Variants in PHF21A observed in about 807,000 individuals in gnomAD.
The protein encoded by PHF21A is BHC80a.
Under a neutral mutation model 82.5 loss-of-function variants are expected in PHF21A, and 11 were observed. The observed-to-expected ratio is 0.13, with a 90% CI of 0.08 to 0.22. PHF21A has a LOEUF of 0.22. Among genes scored for constraint, PHF21A ranks in the 10% least tolerant of loss-of-function variants. PHF21A has a pLI of 1.00. For synonymous variants in PHF21A, 297 were observed against 302.8 expected (o/e 0.98, Z 0.20); for missense variants, 579 against 837.8 (o/e 0.69, Z 3.81).
chr11:46,007,554 T>C (rs774872293), intron 6 of PHF21A, among the ~76,000 whole-genome samples: 1 of 152,176 alleles, frequency 6.6e-6, no homozygotes, highest in Non-Finnish European at 1.5e-5. Flanking sequence ...CCTCAGGTGA[T>C]TCGCCTGCTG....
chr11:45,964,916 T>G (rs746877812), intron 10 of PHF21A, among the ~76,000 whole-genome samples: 6 of 152,254 alleles, frequency 3.9e-5, no homozygotes, highest in Non-Finnish European at 7.3e-5. Flanking sequence ...TCCCTTTCCC[T>G]GTTTTGTTTA....
chr11:45,936,868 G>C (rs1030743769), intron 16 of PHF21A: 3 of 269,426 alleles, frequency 1.1e-5, no homozygotes, highest in Non-Finnish European at 1.4e-5. Flanking sequence ...AACCACTCCC[G>C]ACAGCTAGAA....
chr11:46,086,274 A>G (rs370042740), intron 3 of PHF21A, among the ~76,000 whole-genome samples: 8 of 152,124 alleles, frequency 5.3e-5, no homozygotes, highest in African/African-American at 1.9e-4. Context: ...GCCCGCCACT[A>G]CACCCGGCTA....
At chr11:45,967,737 T>A (rs1267513782) in intron 9 of PHF21A, among the ~76,000 whole-genome samples, 1 of 152,190 alleles carries the variant, frequency 6.6e-6, no homozygotes, top group Non-Finnish European at 1.5e-5. Flanking sequence ...GTGTGGCCCA[T>A]GAAAGTCTTG....
At chr11:46,076,911 T>C (rs1344900956) in intron 5 of PHF21A, 92 bp from the exon 6 acceptor site, 4 of 978,196 alleles carry the variant, frequency 4.1e-6, no homozygotes, top group Non-Finnish European at 4.9e-6. Flanking sequence ...TTACAAATGA[T>C]GAAGCAACCC....
At chr11:46,053,126 T>C (rs1473144445) in intron 6 of PHF21A, among the ~76,000 whole-genome samples, 1 of 152,212 alleles carries the variant, frequency 6.6e-6, no homozygotes, top group Non-Finnish European at 1.5e-5. Flanking sequence ...TCAAAATTTG[T>C]AATTAAATGT....
At chr11:45,953,122 T>C (rs1422513100) in intron 11 of PHF21A, among the ~76,000 whole-genome samples, 1 of 152,246 alleles carries the variant, frequency 6.6e-6, no homozygotes, top group African/African-American at 2.4e-5. Context: ...CTGCAATTGA[T>C]AATATAAATA....
At chr11:46,033,555 T>C (rs1361372892) in intron 6 of PHF21A, among the ~76,000 whole-genome samples, 1 of 152,202 alleles carries the variant, frequency 6.6e-6, no homozygotes, top group African/African-American at 2.4e-5. Flanking sequence ...TGAGCCACCA[T>C]GCTTAGCCCA....
chr11:46,003,360 T>C (rs2095205594), intron 6 of PHF21A, among the ~76,000 whole-genome samples: 1 of 152,024 alleles, frequency 6.6e-6, no homozygotes, highest in South Asian at 2.1e-4. Context: ...TCTTCGGTGT[T>C]AATACTGTTA....
chr11:46,099,003 A>G (rs1156942442), intron 1 of PHF21A, among the ~76,000 whole-genome samples: 2 of 152,210 alleles, frequency 1.3e-5, no homozygotes, highest in Non-Finnish European at 2.9e-5. Context: ...AGTCACTAAG[A>G]AAGGTCAATG....
chr11:46,075,021 T>C (rs999729898), intron 6 of PHF21A, among the ~76,000 whole-genome samples: 7 of 152,236 alleles, frequency 4.6e-5, no homozygotes, highest in African/African-American at 1.4e-4. Context: ...TTACTTTGTA[T>C]ACCTAAAGTT....
intron 18 of PHF21A, chr11:45,935,054 C>T (rs2088532823): frequency 8.3e-7 from 1 of 1,209,330 alleles, no homozygotes; most frequent in African/African-American, 1.6e-5. Flanking sequence ...TGGGAGAAGC[C>T]TCTGTCCCCC....
chr11:46,119,165 T>C (rs995481753), intron 1 of PHF21A, among the ~76,000 whole-genome samples: 1 of 152,058 alleles, frequency 6.6e-6, no homozygotes, highest in Non-Finnish European at 1.5e-5. Flanking sequence ...TATTCAACTA[T>C]CCATTATTTA....
intron 1 of PHF21A, among the ~76,000 whole-genome samples, chr11:46,106,882 T>C (rs1296327938): frequency 6.6e-6 from 1 of 152,172 alleles, no homozygotes; most frequent in Non-Finnish European, 1.5e-5. Context: ...AAAGCTCACC[T>C]CTCTCCAGGC....
intron 1 of PHF21A, among the ~76,000 whole-genome samples, chr11:46,117,741 A>G (rs1851751717): frequency 1.3e-5 from 2 of 152,190 alleles, no homozygotes; most frequent in South Asian, 4.1e-4. Flanking sequence ...TACATGCTCA[A>G]CATCCCACTC....
At chr11:45,984,190 A>G (rs375664047) in intron 6 of PHF21A, among the ~76,000 whole-genome samples, 8 of 152,372 alleles carry the variant, frequency 5.3e-5, no homozygotes, top group African/African-American at 1.9e-4. Flanking sequence ...AAAGCTGGAA[A>G]GAACAAAGAC....
intron 6 of PHF21A, among the ~76,000 whole-genome samples, chr11:46,049,037 A>G (rs2096302480): frequency 2.0e-5 from 3 of 152,256 alleles, no homozygotes; most frequent in African/African-American, 2.4e-5. Context: ...CTAGCTCTGC[A>G]GAATGACAGC....
At chr11:46,076,921 C>G in intron 5 of PHF21A, 102 bp from the exon 6 acceptor site, 1 of 880,866 alleles carries the variant, frequency 1.1e-6, no homozygotes, top group East Asian at 2.6e-5. Context: ...TGAAGCAACC[C>G]GAAGCATTTA....
intron 6 of PHF21A, among the ~76,000 whole-genome samples, chr11:46,017,935 C>A (rs1237010107): frequency 6.6e-6 from 1 of 152,118 alleles, no homozygotes; most frequent in African/African-American, 2.4e-5. Flanking sequence ...ATTCATTACT[C>A]TAACTAGCTG....
Sources: gnomAD v4.1 joint callset for allele counts (sites outside exome capture counted in the v4.1 genomes callset) on GRCh38, gnomAD v4.1.1 for gene constraint, MANE v1.5 for transcripts, NCBI Gene and HGNC (gene_info 2026-07-23, HGNC 2026-07-21) for gene names.